Variants in GALNT13 observed in about 807,000 individuals in gnomAD.
GALNT13 encodes the protein UDP-GalNAc:polypeptide N-acetylgalactosaminyltransferase 13.
Under a neutral mutation model 64.2 loss-of-function variants are expected in GALNT13, and 28 were observed. The ratio of observed to expected loss-of-function variants is 0.44; its 90% CI spans 0.32 to 0.60. The LOEUF (loss-of-function observed/expected upper bound fraction) is 0.60, where lower values mean the gene tolerates loss of function less well. GALNT13 is among the 20% of genes least tolerant of loss of function. GALNT13 has a pLI of 0.05. For synonymous variants in GALNT13, 214 were observed against 224.6 expected (o/e 0.95, Z 0.42); for missense variants, 577 against 669.8 (o/e 0.86, Z 1.53).
chr2:154,406,004 T>A (rs892944949), intron 10 of GALNT13, among the ~76,000 whole-genome samples: 1 of 152,168 alleles, frequency 6.6e-6, no homozygotes, highest in Non-Finnish European at 1.5e-5. Flanking sequence ...TAGTCAAGTT[T>A]GGTGAGTCAT....
At chr2:153,239,564 T>C in the GALNT13 span, among the ~76,000 whole-genome samples, 116 of 152,324 alleles carry the variant, frequency 7.6e-4, no homozygotes, top group Admixed American at 1.8e-3. Context: ...TATCAAATGC[T>C]TTTTCAGCAT....
chr2:154,192,944 T>C (rs1184255832), intron 4 of GALNT13, among the ~76,000 whole-genome samples: 1 of 152,224 alleles, frequency 6.6e-6, no homozygotes, highest in East Asian at 1.9e-4. Context: ...TTTGTTGAGT[T>C]CTTTAAATTG....
chr2:153,162,504 C>T, the GALNT13 span, among the ~76,000 whole-genome samples: 34 of 152,090 alleles, frequency 2.2e-4, no homozygotes, highest in Non-Finnish European at 3.4e-4. Flanking sequence ...AAAAACATTT[C>T]GAATCCCAGC....
chr2:154,280,483 G>A (rs545998415), intron 8 of GALNT13, among the ~76,000 whole-genome samples: 1 of 152,124 alleles, frequency 6.6e-6, no homozygotes, highest in East Asian at 1.9e-4. Context: ...CTCTACATTT[G>A]GGACACACAT....
the GALNT13 span, among the ~76,000 whole-genome samples, chr2:153,142,092 T>A: frequency 7.9e-5 from 12 of 152,250 alleles, no homozygotes; most frequent in African/African-American, 2.6e-4. Context: ...AACTGCTGAA[T>A]TCTTTGTACC....
At chr2:154,140,603 T>C in intron 4 of GALNT13, 98 bp downstream of exon 4, 1 of 830,452 alleles carries the variant, frequency 1.2e-6, no homozygotes, top group East Asian at 2.7e-5. Context: ...ATTCTAGCAA[T>C]GTGTGGTTCT....
chr2:153,465,661 A>G, the GALNT13 span, among the ~76,000 whole-genome samples: 1 of 151,864 alleles, frequency 6.6e-6, no homozygotes, highest in East Asian at 1.9e-4. Context: ...TAATGTAAGG[A>G]CTAGTCTTTG....
the GALNT13 span, among the ~76,000 whole-genome samples, chr2:153,257,679 T>C: frequency 1.3e-5 from 2 of 152,216 alleles, no homozygotes; most frequent in Non-Finnish European, 2.9e-5. Context: ...TAAAGTATAC[T>C]GCTATGAATA....
intron 9 of GALNT13, among the ~76,000 whole-genome samples, chr2:154,364,004 T>G (rs1387811488): frequency 6.6e-6 from 1 of 152,212 alleles, no homozygotes; most frequent in African/African-American, 2.4e-5. Context: ...TCCATCATCC[T>G]TGAATTAAAA....
In GALNT13 at chr2:154,068,110, G is replaced by T. The variant is rs144159310; in HGVS notation, c.143-72227G>T. ...CAAATGGCAAACAAGTACATGAAAA[G>T]CTGGAAAACATCACTGATCATCAGA... On this transcript the variant is annotated intron_variant, in intron 3 of 12. Coordinates refer to ENST00000392825, the MANE Select transcript of GALNT13 (RefSeq NM_052917.4). Among the ~76,000 whole-genome samples the T allele has an allele frequency of 2.4e-3, 363 of 152,106 alleles. 4 individuals are homozygous for T. The highest frequency in any genetic ancestry group is 7.9e-3 in the African/African-American group (329 of 41,548).
At chr2:154,231,830 T>C (rs1347875728) in intron 4 of GALNT13, among the ~76,000 whole-genome samples, 1 of 151,042 alleles carries the variant, frequency 6.6e-6, no homozygotes, top group Non-Finnish European at 1.5e-5. Flanking sequence ...TTTTGTTTGG[T>C]TTTATTTTTG....
chr2:153,471,390 T>TTA, the GALNT13 span, among the ~76,000 whole-genome samples: 2 of 152,074 alleles, frequency 1.3e-5, no homozygotes, highest in Non-Finnish European at 2.9e-5. Flanking sequence ...ATAAGAAAAC[T>TTA]CAGCCAGCGG....
chr2:153,582,644 G>A, the GALNT13 span, among the ~76,000 whole-genome samples: 1 of 152,152 alleles, frequency 6.6e-6, no homozygotes, highest in Middle Eastern at 3.4e-3. Context: ...AATTATGGTT[G>A]CTTCTTTGAA....
At chr2:153,964,319 C>A (rs780265018) in intron 3 of GALNT13, among the ~76,000 whole-genome samples, 2 of 152,018 alleles carry the variant, frequency 1.3e-5, no homozygotes, top group African/African-American at 4.8e-5. Context: ...CATGGTGGTG[C>A]GTGCCTGTAA....
At chr2:154,298,720 T>TTG (rs1362353594) in intron 8 of GALNT13, among the ~76,000 whole-genome samples, 20 of 88,040 alleles carry the variant, frequency 2.3e-4, no homozygotes, top group East Asian at 1.1e-3. Context: ...TATATATAAA[T>TTG]TATATTATTT....
intron 3 of GALNT13, among the ~76,000 whole-genome samples, chr2:153,962,629 C>T (rs752606961): frequency 6.6e-6 from 1 of 152,128 alleles, no homozygotes; most frequent in Non-Finnish European, 1.5e-5. Context: ...GTAAGTATAG[C>T]TTTGGGAATA....
At chr2:154,400,886 A>G (rs1301973420) in intron 10 of GALNT13, among the ~76,000 whole-genome samples, 1 of 152,058 alleles carries the variant, frequency 6.6e-6, no homozygotes, top group Non-Finnish European at 1.5e-5. Flanking sequence ...GGCATTCTAA[A>G]ATAGAATGTC....
At chr2:154,312,271 T>C (rs1265907246) in intron 9 of GALNT13, among the ~76,000 whole-genome samples, 1 of 152,236 alleles carries the variant, frequency 6.6e-6, no homozygotes, top group African/African-American at 2.4e-5. Flanking sequence ...TCTTCTGCCA[T>C]GGCTTCAGCC....
chr2:153,196,423 G>A, the GALNT13 span, among the ~76,000 whole-genome samples: 1 of 152,174 alleles, frequency 6.6e-6, no homozygotes, highest in African/African-American at 2.4e-5. Flanking sequence ...GGCAGTGACA[G>A]TGACCAGGCT....
Sources: allele counts gnomAD v4.1 joint callset (sites outside exome capture counted in the v4.1 genomes callset), GRCh38; gene constraint gnomAD v4.1.1; transcripts MANE v1.5; gene names NCBI Gene and HGNC (gene_info 2026-07-23, HGNC 2026-07-21).